The following PTGER1 variants were observed in gnomAD, a reference collection of about 807,000 sequenced individuals.
PTGER1 encodes prostaglandin E2 receptor EP1 subtype.
PTGER1 carries 15 observed loss-of-function variants against 18.5 expected under a neutral mutation model. That is an observed-to-expected ratio of 0.81 (90% CI 0.54 to 1.25). The LOEUF (loss-of-function observed/expected upper bound fraction) is 1.25. Ranked by LOEUF, PTGER1 falls within the 50% of genes most tolerant of loss-of-function variation. PTGER1 has a pLI of 0.00. For synonymous variants in PTGER1, 339 were observed against 308.4 expected, an observed-to-expected ratio of 1.10 and a Z score of -1.04; for missense variants, 567 against 603.4, an observed-to-expected ratio of 0.94 and a Z score of 0.63.
Position 14,472,507 on chromosome 19 carries a change from AC to A in PTGER1, c.*52del. ...TATTCCCAAAGGCTCTGCGCCGCGCACCTGGGCCCAGCCCAGGGTGGGCTGG... is the reference window on the plus strand; with the variant it reads ...TATTCCCAAAGGCTCTGCGCCGCGCACTGGGCCCAGCCCAGGGTGGGCTGG... On this transcript the variant is annotated 3_prime_UTR_variant, in exon 3 of 3. Transcript: ENST00000292513. 6.7e-7 allele frequency: 1 copy of A among 1,488,316 alleles called. No homozygotes were observed. Among genetic ancestry groups the A allele is most frequent in the Non-Finnish European group, 8.9e-7 (1 of 1,126,900 alleles). 92.2% of individuals were successfully genotyped at this position (1,488,316 alleles called of 1,614,324 possible). A position where few individuals can be genotyped will look rare whatever the true frequency, so the allele number is the denominator to read the frequency against.
Position 14,473,518 on chromosome 19 carries a change from G to C in PTGER1, c.803C>G (p.Ser268Cys), listed in dbSNP as rs919880193. The part of the protein sequence containing the change: ...PRSASASSAS[S>C]IASASTFFGG... ...AAAGAAGGTGGAGGCCGAAGCGATG[G>C]ACGAGGCGGACGAGGCGGAGGCCGA... Residue 268 changes from serine to cysteine, a missense_variant, in exon 2 of 3, where the codon TCC becomes TGC. Transcript: ENST00000292513. The surrounding 1 kb of genome is among the most constrained non-coding windows in gnomAD (Gnocchi z 7.1). 1 of 1,560,836 alleles carries C rather than the reference G, an allele frequency of 6.4e-7. No individual in the cohort carries two copies. The highest frequency in any genetic ancestry group is 8.6e-7 in the Non-Finnish European group (1 of 1,158,314).
At position 14,474,428 on chromosome 19, in the gene PTGER1, G is replaced by T. The variant is rs2071596377; in HGVS notation, c.-17-91C>A. On this transcript the variant is annotated intron_variant, in intron 1 of 2. Coordinates refer to ENST00000292513, the MANE Select transcript of PTGER1 (RefSeq NM_000955.3). This position sits in a 1 kb window ranked among gnomAD's most constrained non-coding sequence, Gnocchi z 5.4. ...CATCTCAGAACATCAGGGCCTGTTT[G>T]ACTCCATGGCGTTCTCAGGCGGCCC... 4 of 1,327,982 alleles carry T rather than the reference G, an allele frequency of 3.0e-6. No individual in the cohort carries two copies. Among genetic ancestry groups the T allele is most frequent in the African/African-American group, 1.6e-5 (1 of 63,990 alleles). The allele number at this position is 1,327,982 out of a possible 1,614,324, so 82.3% of individuals were successfully genotyped here.
Position 14,473,480 on chromosome 19 carries a change from T to C in PTGER1, c.841A>G (p.Ser281Gly), listed in dbSNP as rs1235420349. ...CGAGCTCTGCGTGCCGAGCCGCTGC[T>C]CCGAGAGCCGCCAAAGAAGGTGGAG... ...SASTFFGGSR[S>G]SGSARRARAH... Residue 281 changes from serine to glycine, a missense_variant, in exon 2 of 3, where the codon AGC becomes GGC. By Grantham distance (56) the Ser-to-Gly change is moderately conservative (BLOSUM62 0). Coordinates refer to ENST00000292513, the MANE Select transcript of PTGER1 (RefSeq NM_000955.3). The surrounding 1 kb of genome is among the most constrained non-coding windows in gnomAD (Gnocchi z 7.1). 3.8e-6 allele frequency: 6 copies of C among 1,588,410 alleles called. No homozygotes were observed. The highest frequency in any genetic ancestry group is 4.6e-5 in the East Asian group (2 of 43,442).
In PTGER1 at chr19:14,472,541, G is replaced by C. The variant is rs199506794; in HGVS notation, c.*19C>G. On this transcript the variant is annotated 3_prime_UTR_variant, in exon 3 of 3. Transcript: ENST00000292513. ...CAGCCCAGGGTGGGCTGGCTTAGTCGTTGGGCCTCTGGTTGTGCTTAGAAG... is the reference window on the plus strand; with the variant it reads ...CAGCCCAGGGTGGGCTGGCTTAGTCCTTGGGCCTCTGGTTGTGCTTAGAAG... 1.3e-4 allele frequency: 207 copies of C among 1,537,168 alleles called. No individual in the cohort carries two copies. Among genetic ancestry groups the C allele is most frequent in the Middle Eastern group, 9.2e-4 (5 of 5,438 alleles).
In PTGER1 at chr19:14,472,498, G is replaced by C; in HGVS notation, c.*62C>G. ...ATGGCTTTTTATTCCCAAAGGCTCT[G>C]CGCCGCGCACCTGGGCCCAGCCCAG... On this transcript the variant is annotated 3_prime_UTR_variant, in exon 3 of 3. Coordinates refer to ENST00000292513, the MANE Select transcript of PTGER1 (RefSeq NM_000955.3). The C allele has an allele frequency of 6.8e-7, 1 of 1,475,428 alleles. No homozygotes were observed. The highest frequency in any genetic ancestry group is 8.9e-7 in the Non-Finnish European group (1 of 1,120,586). The allele number at this position is 1,475,428 out of a possible 1,614,324, so 91.4% of individuals were successfully genotyped here. A position where few individuals can be genotyped will look rare whatever the true frequency, so the allele number is the denominator to read the frequency against.
In PTGER1 at chr19:14,473,643, G is replaced by A. The variant is rs201407576; in HGVS notation, c.678C>T (p.Gly226=). The A allele has an allele frequency of 7.3e-5, 108 of 1,480,332 alleles. No individual in the cohort carries two copies. Among genetic ancestry groups the A allele is most frequent in the Non-Finnish European group, 8.5e-5 (96 of 1,123,672 alleles). The allele number at this position is 1,480,332 out of a possible 1,614,324, so 91.7% of individuals were successfully genotyped here. Residue 226 remains glycine, a synonymous_variant, in exon 2 of 3, where the codon GGC becomes GGT. Transcript: ENST00000292513. This position sits in a 1 kb window ranked among gnomAD's most constrained non-coding sequence, Gnocchi z 7.1. ...LAALVCNTLS[G]LALLRARWRR... ...GCCAGCGGGCGCGTAGCAGGGCCAG[G>A]CCGCTGAGCGTGTTGCACACCAGCG...
rs1316343566 is a variant in PTGER1 at position 14,474,125 on chromosome 19, G to A, written c.196C>T (p.Arg66Cys). Residue 66 changes from arginine to cysteine, a missense_variant, in exon 2 of 3, where the codon CGC becomes TGC. By Grantham distance (180) the Arg-to-Cys change is radical. Transcript: ENST00000292513. The surrounding 1 kb of genome is among the most constrained non-coding windows in gnomAD (Gnocchi z 5.4). ...AGGAAGGTGGCGGCCGAGCGGCGGCGTCGCAGGCGGCCCGCGGCCTGCGCC... is the reference window on the plus strand; with the variant it reads ...AGGAAGGTGGCGGCCGAGCGGCGGCATCGCAGGCGGCCCGCGGCCTGCGCC... ...LLAQAAGRLR[R>C]RRSAATFLLF... 1 of 1,436,482 alleles carries A rather than the reference G, an allele frequency of 7.0e-7. No homozygotes were observed. The highest frequency in any genetic ancestry group is 9.0e-7 in the Non-Finnish European group (1 of 1,105,398). 89.0% of individuals were successfully genotyped at this position (1,436,482 alleles called of 1,614,324 possible).
rs940591075 is a variant in PTGER1 at position 14,473,054 on chromosome 19, A to T, written c.943-228T>A. Among the ~76,000 whole-genome samples, 2 of 151,976 alleles carry T rather than the reference A, an allele frequency of 1.3e-5. No homozygotes were observed. The highest frequency in any genetic ancestry group is 2.4e-5 in the African/African-American group (1 of 41,354). ...CGTAGAGGAGTCTCAGGTGTCCCGG[A>T]AAGAGGAAAAGCAAGGGGGTTGGGT... is the stretch of plus-strand genomic sequence containing the variant. On this transcript the variant is annotated intron_variant, in intron 2 of 2. Coordinates refer to ENST00000292513, the MANE Select transcript of PTGER1 (RefSeq NM_000955.3). This position sits in a 1 kb window ranked among gnomAD's most constrained non-coding sequence, Gnocchi z 7.1.
chr19:14,474,317 T>G lies in PTGER1; in HGVS notation c.4A>C (p.Ser2Arg). 6.6e-7 allele frequency: 1 copy of G among 1,525,440 alleles called. No individual in the cohort carries two copies. The highest frequency in any genetic ancestry group is 8.7e-7 in the Non-Finnish European group (1 of 1,142,914). 94.5% of individuals were successfully genotyped at this position (1,525,440 alleles called of 1,614,324 possible). The change falls in exon 2 of 3, where the codon AGC (serine) becomes CGC (arginine). Residue 2 changes from serine (S) to arginine (R), a missense_variant. Physicochemically the swap from Ser to Arg is moderately radical, Grantham distance 110. Transcript: ENST00000292513. The surrounding 1 kb of genome is among the most constrained non-coding windows in gnomAD (Gnocchi z 5.4). The stretch of plus-strand genomic sequence containing the variant: ...CTCAGGTTGAGGGGCCCGCAAGGGC[T>G]CATGTCAGGCGCCAGGGGTGCTGGA... M[S>R]PCGPLNLSLA...
At position 14,472,521 on chromosome 19, in the gene PTGER1, C is replaced by CA. The variant is rs1409467871; in HGVS notation, c.*38dup. ...CTGCGCCGCGCACCTGGGCCCAGCC[C>CA]AGGGTGGGCTGGCTTAGTCGTTGGG... On this transcript the variant is annotated 3_prime_UTR_variant, in exon 3 of 3. Coordinates refer to ENST00000292513, the MANE Select transcript of PTGER1 (RefSeq NM_000955.3). 2.0e-6 allele frequency: 3 copies of CA among 1,508,288 alleles called. No homozygotes were observed. In the Admixed American group the frequency reaches 6.6e-5, roughly 33 times the overall value. 93.4% of individuals were successfully genotyped at this position (1,508,288 alleles called of 1,614,324 possible).
In PTGER1 at chr19:14,474,981, C is replaced by T. The variant is rs1037637260; in HGVS notation, c.-18+281G>A. ...CCAGGCCCTACCCCGATCACCTCTG[C>T]CTCACCCTGGGTGCCCACGGTTCCA... On this transcript the variant is annotated intron_variant, in intron 1 of 2. Coordinates refer to ENST00000292513, the MANE Select transcript of PTGER1 (RefSeq NM_000955.3). This position sits in a 1 kb window ranked among gnomAD's most constrained non-coding sequence, Gnocchi z 5.4. 3.9e-5 allele frequency among the ~76,000 whole-genome samples: 6 copies of T among 152,214 alleles called. No individual in the cohort carries two copies. Among genetic ancestry groups the T allele is most frequent in the Non-Finnish European group, 5.9e-5 (4 of 68,040 alleles).
At position 14,473,087 on chromosome 19, in the gene PTGER1, C is replaced by A. The variant is rs2241361; in HGVS notation, c.943-261G>T. Among the ~76,000 whole-genome samples, 33 of 151,982 alleles carry A rather than the reference C, an allele frequency of 2.2e-4. No individual in the cohort carries two copies. The East Asian group carries it at 6.0e-3, about 28-fold the overall frequency. ...AAAGCAAGGGGGTTGGGTGAAAGGACTAGGGAATGAAGCGCGGCGACTTAT... is the reference window on the plus strand; with the variant it reads ...AAAGCAAGGGGGTTGGGTGAAAGGAATAGGGAATGAAGCGCGGCGACTTAT... On this transcript the variant is annotated intron_variant, in intron 2 of 2. Transcript: ENST00000292513. This position sits in a 1 kb window ranked among gnomAD's most constrained non-coding sequence, Gnocchi z 7.1.
Position 14,472,761 on chromosome 19 carries a change from G to A in PTGER1, c.1008C>T (p.Ala336=). 6.3e-7 allele frequency: 1 copy of A among 1,593,884 alleles called. No homozygotes were observed. Among genetic ancestry groups the A allele is most frequent in the South Asian group, 1.1e-5 (1 of 88,488 alleles). Reference sequence around the variant, plus strand: ...TCTGGTTCCAGGAGGCAAGGCGCACGGCCAGGAACAGTGGCCGCTGCAGGG... The same window carrying A: ...TCTGGTTCCAGGAGGCAAGGCGCACAGCCAGGAACAGTGGCCGCTGCAGGG... ...STSLQRPLFL[A]VRLASWNQIL... The change falls in exon 3 of 3, where the codon GCC becomes GCT. Residue 336 remains alanine, a synonymous_variant. Transcript: ENST00000292513.
Position 14,474,118 on chromosome 19 carries a change from C to T in PTGER1, c.203G>A (p.Arg68His), listed in dbSNP as rs965028773. 2.1e-6 allele frequency: 3 copies of T among 1,442,562 alleles called. No homozygotes were observed. Among genetic ancestry groups the T allele is most frequent in the Non-Finnish European group, 1.8e-6 (2 of 1,107,458 alleles). 89.4% of individuals were successfully genotyped at this position (1,442,562 alleles called of 1,614,324 possible). A position where few individuals can be genotyped will look rare whatever the true frequency, so the allele number is the denominator to read the frequency against. Reference sequence around the variant, plus strand: ...GAACAGCAGGAAGGTGGCGGCCGAGCGGCGGCGTCGCAGGCGGCCCGCGGC... The same window carrying T: ...GAACAGCAGGAAGGTGGCGGCCGAGTGGCGGCGTCGCAGGCGGCCCGCGGC... ...AQAAGRLRRR[R>H]SAATFLLFVA... The change falls in exon 2 of 3, where the codon CGC becomes CAC. Residue 68 changes from arginine (R) to histidine (H), a missense_variant. Coordinates refer to ENST00000292513, the MANE Select transcript of PTGER1 (RefSeq NM_000955.3). This position sits in a 1 kb window ranked among gnomAD's most constrained non-coding sequence, Gnocchi z 5.4.
Position 14,473,932 on chromosome 19 carries a change from C to A in PTGER1, c.389G>T (p.Gly130Val). ...FGLCPLLLGC[G>V]MAVERCVGVT... is the part of the protein sequence containing the mutation. ...GCCCACGCAGCGCTCCACGGCCATGCCACAGCCCAGCAGCAGCGGGCACAG... is the reference window on the plus strand; with the variant it reads ...GCCCACGCAGCGCTCCACGGCCATGACACAGCCCAGCAGCAGCGGGCACAG... The change falls in exon 2 of 3, where the codon GGC becomes GTC. Residue 130 changes from glycine (G) to valine (V), a missense_variant. Physicochemically the swap from Gly to Val is moderately radical, Grantham distance 109. Transcript: ENST00000292513. This position sits in a 1 kb window ranked among gnomAD's most constrained non-coding sequence, Gnocchi z 7.1. 3 of 1,462,042 alleles carry A rather than the reference C, an allele frequency of 2.1e-6. No homozygotes were observed. The highest frequency in any genetic ancestry group is 2.7e-6 in the Non-Finnish European group (3 of 1,111,322). The allele number at this position is 1,462,042 out of a possible 1,614,324, so 90.6% of individuals were successfully genotyped here. A position where few individuals can be genotyped will look rare whatever the true frequency, so the allele number is the denominator to read the frequency against.
chr19:14,472,791 A>C lies in PTGER1; in HGVS notation c.978T>G (p.Ser326=). 6.4e-7 allele frequency: 1 copy of C among 1,568,064 alleles called. No individual in the cohort carries two copies. Among genetic ancestry groups the C allele is most frequent in the South Asian group, 1.2e-5 (1 of 85,858 alleles). ...LVALAVGGWS[S]TSLQRPLFLA... ...GGAACAGTGGCCGCTGCAGGGAGGT[A>C]GAGCTCCAGCCGCCGACGGCCAGCG... Residue 326 remains serine (S), a synonymous_variant, in exon 3 of 3, where the codon TCT becomes TCG. Transcript: ENST00000292513.
Position 14,472,742 on chromosome 19 carries a change from T to A in PTGER1, c.1027A>T (p.Asn343Tyr). Reference protein sequence around the residue: ...LFLAVRLASWNQILDPWVYIL... With the variant: ...LFLAVRLASWYQILDPWVYIL... ...TACACCCAAGGGTCCAGGATCTGGT[T>A]CCAGGAGGCAAGGCGCACGGCCAGG... The change falls in exon 3 of 3, where the codon AAC (asparagine) becomes TAC (tyrosine). Residue 343 changes from asparagine (N) to tyrosine (Y), a missense_variant. By Grantham distance (143) the Asn-to-Tyr change is moderately radical. Coordinates refer to ENST00000292513, the MANE Select transcript of PTGER1 (RefSeq NM_000955.3). The A allele has an allele frequency of 6.2e-7, 1 of 1,606,582 alleles. No individual in the cohort carries two copies. The highest frequency in any genetic ancestry group is 2.2e-5 in the East Asian group (1 of 44,486).
chr19:14,472,887 G>T (rs1779474932), intron 2 of PTGER1, 61 bp from the exon 3 acceptor site: 1 of 1,472,264 alleles, frequency 6.8e-7, no homozygotes. Context: ...CGCAGGGATG[G>T]TGGGGGCGTG....
At position 14,473,797 on chromosome 19, in the gene PTGER1, C is replaced by A. The variant is rs1599339698; in HGVS notation, c.524G>T (p.Arg175Leu). The change falls in exon 2 of 3, where the codon CGC becomes CTC. Residue 175 changes from arginine (R) to leucine (L), a missense_variant. Arg to Leu is a moderately radical substitution (Grantham distance 102). Coordinates refer to ENST00000292513, the MANE Select transcript of PTGER1 (RefSeq NM_000955.3). The surrounding 1 kb of genome is among the most constrained non-coding windows in gnomAD (Gnocchi z 7.1). Reference sequence around the variant, plus strand: ...GTACTGCAGCTCATAGCGGCCCACGCGCGCCAGCGGCAGCAGCGCCACGGC... The same window carrying A: ...GTACTGCAGCTCATAGCGGCCCACGAGCGCCAGCGGCAGCAGCGCCACGGC... Reference protein sequence around the residue: ...ALAVALLPLARVGRYELQYPG... With the variant: ...ALAVALLPLALVGRYELQYPG... The A allele has an allele frequency of 2.1e-6, 3 of 1,414,722 alleles. No individual in the cohort carries two copies. Among genetic ancestry groups the A allele is most frequent in the East Asian group, 3.2e-5 (1 of 31,722 alleles). 87.6% of individuals were successfully genotyped at this position (1,414,722 alleles called of 1,614,324 possible). A position where few individuals can be genotyped will look rare whatever the true frequency, so the allele number is the denominator to read the frequency against.
Sources: allele counts gnomAD v4.1 joint callset (sites outside exome capture counted in the v4.1 genomes callset), GRCh38; gene constraint gnomAD v4.1.1; non-coding constraint Gnocchi (gnomAD v3.1); transcripts MANE v1.5; gene names NCBI Gene and HGNC (gene_info 2026-07-23, HGNC 2026-07-21).